HACD2: variants seen among roughly 807,000 people sequenced by gnomAD.
HACD2 encodes the protein 3-hydroxyacyl-CoA dehydratase 2, also known as very-long-chain (3R)-3-hydroxyacyl-CoA dehydratase 2.
In HACD2, 15 loss-of-function variants were observed where a neutral mutation model predicts 31.0. The observed-to-expected ratio is 0.48, with a 90% CI of 0.32 to 0.75. The LOEUF (loss-of-function observed/expected upper bound fraction) is 0.75, where lower values mean the gene tolerates loss of function less well. Ranked by LOEUF, HACD2 falls within the 30% of genes least tolerant of loss-of-function variation. The pLI, the probability that HACD2 is intolerant of heterozygous loss-of-function variation, is 0.03. For synonymous variants in HACD2, 115 were observed against 122.2 expected, an observed-to-expected ratio of 0.94 and a Z score of 0.39; for missense variants, 283 against 313.0, an observed-to-expected ratio of 0.90 and a Z score of 0.72.
chr3:123,498,842 C>T (rs1266501164), intron 6 of HACD2, among the ~76,000 whole-genome samples: 1 of 152,132 alleles, frequency 6.6e-6, no homozygotes, highest in African/African-American at 2.4e-5. Context: ...ATGGAGGCTG[C>T]GTGTGGTACC....
rs551321978 is a variant in HACD2 at position 123,502,557 on chromosome 3, T to C, written c.503+3A>G. On this transcript the variant is annotated splice_donor_region_variant and intron_variant, in intron 5 of 6. Coordinates refer to ENST00000383657, the MANE Select transcript of HACD2 (RefSeq NM_198402.5). ...GTGAGCCTTTTGAAATGTGCTTTTTTACCTGGCCCATTTGATGAGGTAAGG... is the reference window on the plus strand; with the variant it reads ...GTGAGCCTTTTGAAATGTGCTTTTTCACCTGGCCCATTTGATGAGGTAAGG... 4.3e-6 allele frequency: 7 copies of C among 1,611,404 alleles called. No individual in the cohort carries two copies. In the East Asian group the frequency reaches 1.1e-4, roughly 26 times the overall value.
intron 3 of HACD2, among the ~76,000 whole-genome samples, chr3:123,534,485 T>C (rs545437390): frequency 6.3e-4 from 96 of 152,118 alleles, no homozygotes; most frequent in Non-Finnish European, 1.2e-3. Context: ...GCATGTCATA[T>C]AAAAGTCATA....
At chr3:123,581,239 G>T (rs1237480403) in intron 2 of HACD2, among the ~76,000 whole-genome samples, 1 of 152,168 alleles carries the variant, frequency 6.6e-6, no homozygotes, top group African/African-American at 2.4e-5. Context: ...GATCTTCCCT[G>T]CAATCTGAAG....
intron 3 of HACD2, among the ~76,000 whole-genome samples, chr3:123,554,962 T>C (rs956542504): frequency 6.6e-6 from 1 of 152,194 alleles, no homozygotes; most frequent in Admixed American, 6.5e-5. Flanking sequence ...GCAATTGCTA[T>C]AGAAGATGCA....
intron 4 of HACD2, among the ~76,000 whole-genome samples, chr3:123,512,436 C>T (rs941244397): frequency 6.6e-6 from 1 of 152,164 alleles, no homozygotes; most frequent in African/African-American, 2.4e-5. Flanking sequence ...TCTTTCCCTT[C>T]CCCACGTGGA....
At chr3:123,517,698 G>A (rs2056155475) in intron 4 of HACD2, among the ~76,000 whole-genome samples, 1 of 152,168 alleles carries the variant, frequency 6.6e-6, no homozygotes, top group Non-Finnish European at 1.5e-5. Context: ...AAAGGTAACT[G>A]AAATGTCAAA....
chr3:123,503,642 A>C (rs1016028702), intron 4 of HACD2, among the ~76,000 whole-genome samples: 2 of 148,252 alleles, frequency 1.3e-5, no homozygotes, highest in African/African-American at 5.0e-5. Context: ...GTTTGTAATG[A>C]CCTTTTGTGC....
intron 3 of HACD2, among the ~76,000 whole-genome samples, chr3:123,548,289 C>T (rs770167696): frequency 1.3e-5 from 2 of 152,078 alleles, no homozygotes; most frequent in Non-Finnish European, 2.9e-5. Context: ...TAGACCTCTT[C>T]TCTTCCTTGA....
At chr3:123,541,923 G>A (rs1009702863) in intron 3 of HACD2, among the ~76,000 whole-genome samples, 7 of 151,680 alleles carry the variant, frequency 4.6e-5, no homozygotes, top group African/African-American at 1.5e-4. Flanking sequence ...CGAGGCGGGC[G>A]GATCACGAGG....
chr3:123,578,868 A>G (rs2056935434), intron 2 of HACD2, among the ~76,000 whole-genome samples: 4 of 152,220 alleles, frequency 2.6e-5, no homozygotes, highest in Admixed American at 6.5e-5. Context: ...ATTAAACAAT[A>G]CCACACACAT....
chr3:123,584,672 G>A (rs1576254205), intron 1 of HACD2: 1 of 405,304 alleles, frequency 2.5e-6, no homozygotes, highest in African/African-American at 2.1e-5. Flanking sequence ...GACCCCCAGC[G>A]CAGGAGGGAG....
chr3:123,521,896 A>C (rs1017438412), intron 4 of HACD2, among the ~76,000 whole-genome samples: 6 of 151,994 alleles, frequency 3.9e-5, no homozygotes, highest in Admixed American at 3.3e-4. Context: ...GTAACTAACT[A>C]AATCATCATC....
At chr3:123,555,987 G>A (rs768630234) in intron 3 of HACD2, among the ~76,000 whole-genome samples, 1 of 152,130 alleles carries the variant, frequency 6.6e-6, no homozygotes, top group Non-Finnish European at 1.5e-5. Flanking sequence ...ACAACTGGAT[G>A]ACTATATGTA....
intron 4 of HACD2, among the ~76,000 whole-genome samples, chr3:123,515,302 T>A (rs2056119932): frequency 6.6e-6 from 1 of 152,154 alleles, no homozygotes; most frequent in Non-Finnish European, 1.5e-5. Flanking sequence ...GCTTGACTCA[T>A]ACTAGGCTGG....
At chr3:123,531,207 T>C (rs571249688) in intron 3 of HACD2, among the ~76,000 whole-genome samples, 10 of 152,336 alleles carry the variant, frequency 6.6e-5, no homozygotes, top group Non-Finnish European at 1.3e-4. Context: ...GCAATTCAGC[T>C]GAACACAGGT....
chr3:123,495,740 T>C (rs544923021), intron 6 of HACD2, among the ~76,000 whole-genome samples: 3 of 152,284 alleles, frequency 2.0e-5, no homozygotes, highest in South Asian at 2.1e-4. Flanking sequence ...TCGGAACTAT[T>C]TGGAACTATT....
intron 4 of HACD2, among the ~76,000 whole-genome samples, chr3:123,509,181 T>C (rs1051788489): frequency 1.3e-5 from 2 of 152,116 alleles, no homozygotes; most frequent in Non-Finnish European, 1.5e-5. Flanking sequence ...CACATGTGGC[T>C]GTTGTAATAT....
At chr3:123,530,554 A>G (rs1304536790) in intron 3 of HACD2, among the ~76,000 whole-genome samples, 1 of 152,158 alleles carries the variant, frequency 6.6e-6, no homozygotes, top group East Asian at 1.9e-4. Flanking sequence ...AGTTACAGGC[A>G]TAAGCCACCA....
At chr3:123,504,177 A>G (rs139821977) in intron 4 of HACD2, among the ~76,000 whole-genome samples, 55 of 152,324 alleles carry the variant, frequency 3.6e-4, no homozygotes, top group Non-Finnish European at 6.8e-4. Context: ...GAATCCATCT[A>G]TAACAAAATA....
Sources: gnomAD v4.1 joint callset for allele counts (sites outside exome capture counted in the v4.1 genomes callset) on GRCh38, gnomAD v4.1.1 for gene constraint, MANE v1.5 for transcripts, NCBI Gene and HGNC (gene_info 2026-07-23, HGNC 2026-07-21) for gene names.